Variants in EXOC3L4 observed in about 807,000 individuals in gnomAD.
EXOC3L4 encodes exocyst complex component 3 like 4, also known as exocyst complex component 3-like protein 4.
A neutral mutation model predicts 69.7 loss-of-function variants in EXOC3L4; 62 were observed. The ratio of observed to expected loss-of-function variants is 0.89; its 90% CI spans 0.72 to 1.10. The LOEUF is 1.10. Ranked by LOEUF, EXOC3L4 falls within the 50% of genes least tolerant of loss-of-function variation. EXOC3L4 has a pLI of 0.00. For missense variants in EXOC3L4, 1,087 were observed against 1,034.8 expected, an observed-to-expected ratio of 1.05 and a Z score of -0.69; for synonymous variants, 502 against 464.2, an observed-to-expected ratio of 1.08 and a Z score of -1.05.
chr14:103,095,756 G>C (rs1460319106), intron 1 of EXOC3L4, among the ~76,000 whole-genome samples: 5 of 152,194 alleles, frequency 3.3e-5, no homozygotes, highest in African/African-American at 1.2e-4. Flanking sequence ...TAGGGTATAG[G>C]AAAGGTGTTG....
intron 3 of EXOC3L4, 144 bp from the exon 4 acceptor site, chr14:103,103,797 C>CGCGCGCGTGT (rs763940116): frequency 5.0e-6 from 2 of 397,606 alleles, no homozygotes; most frequent in African/African-American, 4.7e-5. Flanking sequence ...GGCGCGCGCG[C>CGCGCGCGTGT]GTGTGTGTGT....
chr14:103,104,326 C>T lies in EXOC3L4; in HGVS notation c.1221C>T (p.Ala407=), dbSNP rs1890406075. Reference sequence around the variant, plus strand: ...AGCTGGAGCAGAGTCACTGGGCGGCCGCCGAGGTCCCCGAGGTGCTGCAGG... The same window carrying T: ...AGCTGGAGCAGAGTCACTGGGCGGCTGCCGAGGTCCCCGAGGTGCTGCAGG... The part of the protein sequence containing the change: ...ILQLEQSHWA[A]AEVPEVLQGL... The change falls in exon 5 of 12, where the codon GCC becomes GCT. Residue 407 remains alanine (A), a synonymous_variant. Coordinates refer to ENST00000688303, the MANE Select transcript of EXOC3L4 (RefSeq NM_001077594.2). 1.3e-6 allele frequency: 2 copies of T among 1,592,662 alleles called. No individual in the cohort carries two copies. The highest frequency in any genetic ancestry group is 1.7e-6 in the Non-Finnish European group (2 of 1,171,298).
intron 1 of EXOC3L4, among the ~76,000 whole-genome samples, chr14:103,099,703 C>T (rs948634224): frequency 1.3e-5 from 2 of 152,102 alleles, no homozygotes; most frequent in East Asian, 3.9e-4. Flanking sequence ...GTAGTCAGGC[C>T]TTTTGGGCTG....
chr14:103,107,341 G>A, intron 8 of EXOC3L4, 83 bp from the exon 9 acceptor site: 3 of 1,558,562 alleles, frequency 1.9e-6, no homozygotes, highest in South Asian at 1.2e-5. Context: ...GAAGGGGTCA[G>A]GAGTGGCACA....
chr14:103,101,006 GATTCTTC>G (rs1890159556), intron 2 of EXOC3L4, among the ~76,000 whole-genome samples: 1 of 150,988 alleles, frequency 6.6e-6, no homozygotes, highest in South Asian at 2.1e-4. Flanking sequence ...AGGTTCAAGT[GATTCTTC>G]TGCCTCAGGC....
chr14:103,102,536 C>T lies in EXOC3L4; in HGVS notation c.813C>T (p.Gly271=). 7.1e-7 allele frequency: 1 copy of T among 1,407,932 alleles called. No individual in the cohort carries two copies. The allele number at this position is 1,407,932 out of a possible 1,614,324, so 87.2% of individuals were successfully genotyped here. The change falls in exon 3 of 12, where the codon GGC becomes GGT. Residue 271 remains glycine, a synonymous_variant. Transcript: ENST00000688303. ...GGTGGGCCTTCGGGGAGGCGGAGGG[C>T]GCGTCGGGTTTGGCCCAGCTTCTGG... ...GAGWAFGEAE[G]ASGLAQLLAE...
chr14:103,104,503 G>C, intron 5 of EXOC3L4, 114 bp downstream of exon 5: 1 of 1,386,850 alleles, frequency 7.2e-7, no homozygotes, highest in Non-Finnish European at 9.3e-7. Flanking sequence ...CGTTAGATGG[G>C]AGCCTGAGGC....
rs1566944683 is a variant in EXOC3L4 at position 103,098,598 on chromosome 14, C to CAA, written c.-16-1606_-16-1605insAA. The CAA allele has an allele frequency of 2.0e-5, 3 of 152,172 alleles. No individual in the cohort carries two copies. The East Asian group carries it at 5.8e-4, about 29-fold the overall frequency. 9.4% of individuals were successfully genotyped at this position (152,172 alleles called of 1,614,324 possible). A position where few individuals can be genotyped will look rare whatever the true frequency, so the allele number is the denominator to read the frequency against. ...CCTGGCTTGTCCTTCCCCACATCCC[C>CAA]GCCTCCGTCCTCTTGACAGCGGTGG... On this transcript the variant is annotated intron_variant, in intron 1 of 11. Transcript: ENST00000688303.
rs1890104167 is a variant in EXOC3L4, at chr14:103,100,390, C to T, written c.171C>T (p.Phe57=). Residue 57 remains phenylalanine, a synonymous_variant, in exon 2 of 12, where the codon TTC becomes TTT. Transcript: ENST00000688303. ...RLGLGSLRQA[F]SRASQRALTQ... is the part of the protein sequence containing the mutation. ...GCCTGGGCTCCCTGAGGCAGGCCTT[C>T]TCCCGGGCCAGCCAGCGGGCTTTGA... The T allele has an allele frequency of 6.2e-7, 1 of 1,609,580 alleles. No homozygotes were observed. The highest frequency in any genetic ancestry group is 1.1e-5 in the South Asian group (1 of 90,284).
In EXOC3L4 at chr14:103,100,418, CA is replaced by C; in HGVS notation, c.200del (p.Gln67ArgfsTer25). ...CCGGGCCAGCCAGCGGGCTTTGACCCAGGTCTCCAAGGAAGATACGGGCCTG... is the reference window on the plus strand; with the variant it reads ...CCGGGCCAGCCAGCGGGCTTTGACCCGGTCTCCAAGGAAGATACGGGCCTG... ...FSRASQRALT[Q>X]VSKEDTGLFR... On this transcript the variant is annotated frameshift_variant, in exon 2 of 12. Transcript: ENST00000688303. LOFTEE classifies it high-confidence loss of function. 2.5e-6 allele frequency: 4 copies of C among 1,612,900 alleles called. No homozygotes were observed. The highest frequency in any genetic ancestry group is 3.4e-6 in the Non-Finnish European group (4 of 1,179,680).
At chr14:103,108,320 G>T in intron 10 of EXOC3L4, 76 bp from the exon 11 acceptor site, 2 of 1,576,122 alleles carry the variant, frequency 1.3e-6, no homozygotes, top group South Asian at 2.4e-5. Flanking sequence ...ACCTCGCACT[G>T]ACCTCGCGCT....
chr14:103,104,968 A>G (rs1447000162), intron 6 of EXOC3L4, 24 bp from the exon 7 acceptor site: 1 of 1,605,152 alleles, frequency 6.2e-7, no homozygotes. Flanking sequence ...AGGGTCCCCA[A>G]AGGCTCTGTG....
At chr14:103,103,103 G>A (rs957781276) in intron 3 of EXOC3L4, among the ~76,000 whole-genome samples, 3 of 152,198 alleles carry the variant, frequency 2.0e-5, no homozygotes, top group Non-Finnish European at 2.9e-5. Flanking sequence ...CATGGCTCAC[G>A]CCTGTAATCC....
At chr14:103,104,229 G>T in intron 4 of EXOC3L4, 38 bp from the exon 5 acceptor site, 1 of 1,532,706 alleles carries the variant, frequency 6.5e-7, no homozygotes, top group African/African-American at 1.4e-5. Flanking sequence ...GACGGGGTCT[G>T]GGAGGGTCTC....
At chr14:103,104,185 C>T (rs1158083913) in intron 4 of EXOC3L4, 82 bp from the exon 5 acceptor site, 2 of 1,452,090 alleles carry the variant, frequency 1.4e-6, no homozygotes, top group Non-Finnish European at 1.8e-6. Flanking sequence ...GGGCTTGTGA[C>T]CCGACAGGGC....
In EXOC3L4 at chr14:103,102,722, C is replaced by T; in HGVS notation, c.999C>T (p.Gly333=). The T allele has an allele frequency of 6.9e-7, 1 of 1,452,502 alleles. No homozygotes were observed. Among genetic ancestry groups the T allele is most frequent in the Non-Finnish European group, 9.0e-7 (1 of 1,106,640 alleles). 90.0% of individuals were successfully genotyped at this position (1,452,502 alleles called of 1,614,324 possible). The change falls in exon 3 of 12, where the codon GGC becomes GGT. Residue 333 remains glycine (G), a synonymous_variant. Transcript: ENST00000688303. ...AGGAGCTCGCGCGCGACGCCCGCGG[C>T]TGCGAGCAGCTCTATATCCTGCTGG... ...RLQELARDAR[G]CEQLYILLDW...
chr14:103,108,568 A>T (rs1342885303), intron 11 of EXOC3L4, 51 bp downstream of exon 11: 1 of 1,594,542 alleles, frequency 6.3e-7, no homozygotes, highest in East Asian at 2.2e-5. Flanking sequence ...TTCAGGGCCA[A>T]GGGGGCTGGT....
intron 1 of EXOC3L4, among the ~76,000 whole-genome samples, chr14:103,095,816 C>T (rs1291052046): frequency 6.6e-6 from 1 of 152,178 alleles, no homozygotes; most frequent in African/African-American, 2.4e-5. Context: ...CTTTTATTAG[C>T]TCCAATAATT....
At position 103,097,228 on chromosome 14, in the gene EXOC3L4, T is replaced by C. The variant is rs1889933854; in HGVS notation, c.-17+2388T>C. Among the ~76,000 whole-genome samples, 1 of 152,032 alleles carries C rather than the reference T, an allele frequency of 6.6e-6. No individual in the cohort carries two copies. The highest frequency in any genetic ancestry group is 2.4e-5 in the African/African-American group (1 of 41,396). Reference sequence around the variant, plus strand: ...GTGACTGTGTCTCTGGGTGGTTTCTTGCCCCTGCTGCTGGCCCCACAAAGG... The same window carrying C: ...GTGACTGTGTCTCTGGGTGGTTTCTCGCCCCTGCTGCTGGCCCCACAAAGG... On this transcript the variant is annotated intron_variant, in intron 1 of 11. Transcript: ENST00000688303. This position sits in a 1 kb window ranked among gnomAD's most constrained non-coding sequence, Gnocchi z 4.9.
Sources: gnomAD v4.1 joint callset for allele counts (sites outside exome capture counted in the v4.1 genomes callset) on GRCh38, gnomAD v4.1.1 for gene constraint, Gnocchi (gnomAD v3.1) non-coding constraint, MANE v1.5 for transcripts, NCBI Gene and HGNC (gene_info 2026-07-23, HGNC 2026-07-21) for gene names.